The following CTNND2 variants were observed in gnomAD, a reference collection of about 807,000 sequenced individuals.
CTNND2 encodes catenin delta 2.
In CTNND2, 22 loss-of-function variants were observed where a neutral mutation model predicts 144.4. That is an observed-to-expected ratio of 0.15 (90% confidence interval 0.11 to 0.22). The LOEUF is 0.22. Ranked by LOEUF, CTNND2 falls within the 10% of genes least tolerant of loss-of-function variation. The probability of loss-of-function intolerance (pLI) is 1.00; values close to 1 mark genes in which losing one functional copy is unlikely to be tolerated. For synonymous variants in CTNND2, 751 were observed against 695.6 expected (o/e 1.08, Z -1.25); for missense variants, 1,353 against 1,618.8 (o/e 0.84, Z 2.82).
At chr5:11,310,787 C>T (rs1750714854) in intron 9 of CTNND2, among the ~76,000 whole-genome samples, 1 of 150,820 alleles carries the variant, frequency 6.6e-6, no homozygotes, top group Admixed American at 6.7e-5. Flanking sequence ...CTCACATACA[C>T]ACTCCCCATA....
At chr5:11,524,371 A>C (rs1581407605) in intron 3 of CTNND2, among the ~76,000 whole-genome samples, 2 of 152,356 alleles carry the variant, frequency 1.3e-5, no homozygotes, top group African/African-American at 4.8e-5. Flanking sequence ...TGTAAGTTGC[A>C]GAATGAAATG....
rs546495043 is a variant in CTNND2 at position 11,361,149 on chromosome 5, T to C, written c.1372+3547A>G. Among the ~76,000 whole-genome samples the C allele has an allele frequency of 2.6e-5, 4 of 152,214 alleles. No homozygotes were observed. In the East Asian group the frequency reaches 7.7e-4, roughly 29 times the overall value. ...GATTCTCCTGCCTCAGCATCCCGAG[T>C]AGCTGGGATTACTGGCGCCTGCCAC... is the stretch of plus-strand genomic sequence containing the variant. On this transcript the variant is annotated intron_variant, in intron 8 of 21. Transcript: ENST00000304623.
intron 14 of CTNND2, among the ~76,000 whole-genome samples, chr5:11,102,698 A>T (rs1186829768): frequency 6.6e-6 from 1 of 152,150 alleles, no homozygotes; most frequent in Non-Finnish European, 1.5e-5. Context: ...ATGCTCAAAA[A>T]TTTTTGGAAA....
At chr5:11,123,276 G>T (rs1173793814) in intron 12 of CTNND2, among the ~76,000 whole-genome samples, 1 of 152,176 alleles carries the variant, frequency 6.6e-6, no homozygotes, top group Non-Finnish European at 1.5e-5. Context: ...CACTGTGCAG[G>T]ACACAGTAGG....
intron 5 of CTNND2, among the ~76,000 whole-genome samples, chr5:11,399,114 C>T (rs1581112479): frequency 6.6e-6 from 1 of 152,180 alleles, no homozygotes; most frequent in South Asian, 2.1e-4. Context: ...AAAGCAAAGG[C>T]CTTTTCAGCT....
rs544064424 is a variant in CTNND2, at chr5:11,527,274, G to A, written c.287+37670C>T. On this transcript the variant is annotated intron_variant, in intron 3 of 21. Coordinates refer to ENST00000304623, the MANE Select transcript of CTNND2 (RefSeq NM_001332.4). The stretch of plus-strand genomic sequence containing the variant: ...AAAGAAAAAACTAAGATGCAAAGAA[G>A]TAGAATACAGTTCTCCAAATTGTCA... Among the ~76,000 whole-genome samples the A allele has an allele frequency of 1.3e-5, 2 of 152,274 alleles. 1 individual carries two copies. Among genetic ancestry groups the A allele is most frequent in the South Asian group, 4.1e-4 (2 of 4,822 alleles).
chr5:11,697,515 T>A (rs1181226910), intron 2 of CTNND2, among the ~76,000 whole-genome samples: 1 of 152,186 alleles, frequency 6.6e-6, no homozygotes, highest in Non-Finnish European at 1.5e-5. Flanking sequence ...GTATACTGTA[T>A]CAATCACTAA....
intron 2 of CTNND2, among the ~76,000 whole-genome samples, chr5:11,598,140 A>C (rs566224997): frequency 2.0e-5 from 3 of 151,606 alleles, no homozygotes; most frequent in African/African-American, 7.3e-5. Context: ...AAACAGATTC[A>C]GAGAGGTTAA....
At chr5:11,359,016 T>C (rs1434250451) in intron 8 of CTNND2, among the ~76,000 whole-genome samples, 3 of 152,330 alleles carry the variant, frequency 2.0e-5, no homozygotes, top group Non-Finnish European at 4.4e-5. Flanking sequence ...AAAATGTGTT[T>C]AAGGGGTTGT....
At chr5:11,624,381 G>A (rs2126441572) in intron 2 of CTNND2, among the ~76,000 whole-genome samples, 1 of 152,208 alleles carries the variant, frequency 6.6e-6, no homozygotes, top group East Asian at 1.9e-4. Flanking sequence ...AGAGGAACAT[G>A]TGAAATGTGA....
At chr5:11,156,252 TGCATTCATA>T (rs1758212018) in intron 12 of CTNND2, among the ~76,000 whole-genome samples, 1 of 152,248 alleles carries the variant, frequency 6.6e-6, no homozygotes, top group East Asian at 1.9e-4. Context: ...CAATATAATT[TGCATTCATA>T]GATTATTTTT....
At chr5:11,269,532 C>G (rs899624105) in intron 9 of CTNND2, among the ~76,000 whole-genome samples, 3 of 152,152 alleles carry the variant, frequency 2.0e-5, no homozygotes, top group Non-Finnish European at 2.9e-5. Context: ...TTCAACTGGA[C>G]CACAGCACGT....
intron 15 of CTNND2, among the ~76,000 whole-genome samples, chr5:11,094,819 C>T (rs1419438905): frequency 6.6e-6 from 1 of 152,124 alleles, no homozygotes; most frequent in African/African-American, 2.4e-5. Flanking sequence ...AATCTATGGT[C>T]GTCATTGTTA....
At chr5:11,252,549 A>G (rs2149935453) in intron 9 of CTNND2, among the ~76,000 whole-genome samples, 1 of 152,360 alleles carries the variant, frequency 6.6e-6, no homozygotes, top group Non-Finnish European at 1.5e-5. Context: ...TGTGTTGCTA[A>G]GAACTGCTCT....
intron 13 of CTNND2, among the ~76,000 whole-genome samples, chr5:11,115,894 G>T (rs1453701691): frequency 6.6e-6 from 1 of 151,300 alleles, no homozygotes; most frequent in Non-Finnish European, 1.5e-5. Flanking sequence ...GGGTTGAGAA[G>T]TGCTATGCTA....
At chr5:11,777,754 G>A (rs895372356) in intron 1 of CTNND2, among the ~76,000 whole-genome samples, 3 of 152,256 alleles carry the variant, frequency 2.0e-5, no homozygotes, top group African/African-American at 7.2e-5. Flanking sequence ...TGTTGGTCCT[G>A]TCAAATTTCC....
At chr5:11,323,144 T>G (rs1327366839) in intron 9 of CTNND2, among the ~76,000 whole-genome samples, 1 of 151,284 alleles carries the variant, frequency 6.6e-6, no homozygotes, top group Non-Finnish European at 1.5e-5. Flanking sequence ...GGTTAAGTGA[T>G]TCTCCTATCT....
chr5:11,132,070 G>T (rs1159494736), intron 12 of CTNND2, among the ~76,000 whole-genome samples: 2 of 152,220 alleles, frequency 1.3e-5, no homozygotes, highest in Non-Finnish European at 2.9e-5. Context: ...AAGAGGCAAA[G>T]AACTGCATAT....
chr5:11,338,116 C>T (rs746251863), intron 9 of CTNND2, among the ~76,000 whole-genome samples: 2 of 152,164 alleles, frequency 1.3e-5, no homozygotes, highest in African/African-American at 4.8e-5. Context: ...ATAAGAAACA[C>T]AACCACAGGT....
Sources: allele counts gnomAD v4.1 joint callset (sites outside exome capture counted in the v4.1 genomes callset), GRCh38; gene constraint gnomAD v4.1.1; transcripts MANE v1.5; gene names NCBI Gene and HGNC (gene_info 2026-07-23, HGNC 2026-07-21).